SIPA1L1: variants seen among roughly 807,000 people sequenced by gnomAD.
SIPA1L1 encodes signal-induced proliferation-associated 1-like protein 1.
Under a neutral mutation model 162.7 loss-of-function variants are expected in SIPA1L1, and 26 were observed. The ratio of observed to expected loss-of-function variants is 0.16; its 90% CI spans 0.12 to 0.22. The LOEUF is 0.22. Ranked by LOEUF, SIPA1L1 falls within the 10% of genes least tolerant of loss-of-function variation. The pLI is 1.00. For missense variants in SIPA1L1, 1,874 were observed against 2,241.0 expected (o/e 0.84, Z 3.31); for synonymous variants, 829 against 837.4 (o/e 0.99, Z 0.17).
intron 4 of SIPA1L1, among the ~76,000 whole-genome samples, chr14:71,584,177 G>A (rs2034299885): frequency 6.6e-6 from 1 of 152,184 alleles, no homozygotes; most frequent in South Asian, 2.1e-4. Context: ...AAAGAGGCAA[G>A]AGAAAATGAA....
At chr14:71,384,389 A>T (rs1238173078) in intron 2 of SIPA1L1, among the ~76,000 whole-genome samples, 1 of 152,184 alleles carries the variant, frequency 6.6e-6, no homozygotes, top group East Asian at 1.9e-4. Flanking sequence ...TGAAGGCCTA[A>T]CATTTGAGTT....
chr14:71,439,797 G>A (rs1378560513), intron 2 of SIPA1L1, among the ~76,000 whole-genome samples: 1 of 152,192 alleles, frequency 6.6e-6, no homozygotes, highest in Admixed American at 6.5e-5. Context: ...TTGCCCAGAT[G>A]TGAGAGAAGT....
At chr14:71,475,372 T>A (rs2047763516) in intron 2 of SIPA1L1, among the ~76,000 whole-genome samples, 1 of 152,238 alleles carries the variant, frequency 6.6e-6, no homozygotes, top group Non-Finnish European at 1.5e-5. Context: ...GATTTTTTTT[T>A]ATTAATTGGT....
intron 4 of SIPA1L1, among the ~76,000 whole-genome samples, chr14:71,568,002 A>C (rs1050197735): frequency 6.6e-6 from 1 of 152,232 alleles, no homozygotes; most frequent in Non-Finnish European, 1.5e-5. Flanking sequence ...TATAACGAGC[A>C]GTGAAGACAA....
intron 7 of SIPA1L1, among the ~76,000 whole-genome samples, chr14:71,649,173 G>A (rs1356423198): frequency 6.6e-6 from 1 of 151,396 alleles, no homozygotes; most frequent in Non-Finnish European, 1.5e-5. Flanking sequence ...AATGTCATTG[G>A]AGAATTCAAA....
Position 71,410,855 on chromosome 14 carries a change from C to A in SIPA1L1, c.-465+89674C>A, listed in dbSNP as rs146457996. Among the ~76,000 whole-genome samples, 521 of 152,236 alleles carry A rather than the reference C, an allele frequency of 3.4e-3. 3 individuals carry two copies. Among genetic ancestry groups the A allele is most frequent in the Non-Finnish European group, 5.7e-3 (391 of 68,010 alleles). On this transcript the variant is annotated intron_variant, in intron 2 of 23. Transcript: ENST00000381232. ...GCAAATTGTCTCTTTGGCAGAATCTCCCCTTTTCCTTTGGTACAGAAAACC... is the reference window on the plus strand; with the variant it reads ...GCAAATTGTCTCTTTGGCAGAATCTACCCTTTTCCTTTGGTACAGAAAACC...
intron 10 of SIPA1L1, among the ~76,000 whole-genome samples, chr14:71,668,498 T>C (rs2044229637): frequency 6.6e-6 from 1 of 152,222 alleles, no homozygotes; most frequent in Admixed American, 6.5e-5. Flanking sequence ...GGTCGCTCAG[T>C]GTACCCAAAG....
At chr14:71,674,558 TTG>T (rs1213658577) in intron 12 of SIPA1L1, among the ~76,000 whole-genome samples, 1 of 148,438 alleles carries the variant, frequency 6.7e-6, no homozygotes, top group African/African-American at 2.5e-5. Context: ...TGTTTTTTTT[TTG>T]TTTTTTTTTG....
intron 2 of SIPA1L1, among the ~76,000 whole-genome samples, chr14:71,357,006 T>C (rs927594430): frequency 3.9e-5 from 6 of 152,176 alleles, no homozygotes; most frequent in African/African-American, 1.4e-4. Context: ...AATATGAATC[T>C]GATGGTGGGT....
intron 2 of SIPA1L1, among the ~76,000 whole-genome samples, chr14:71,491,207 CT>C (rs947570790): frequency 1.6e-4 from 24 of 152,108 alleles, no homozygotes; most frequent in African/African-American, 5.5e-4. Context: ...TTTGTTTTTC[CT>C]TCATTACAGC....
In SIPA1L1 at chr14:71,733,779, T is replaced by A. The variant is rs2085027858; in HGVS notation, c.4975T>A (p.Ser1659Thr). ...LPDTAADLDW[S>T]NLVDAAKAYE... Reference sequence around the variant, plus strand: ...TGACACTGCTGCAGACTTGGATTGGTCCAACCTGGTAGATGCTGCCAAAGC... The same window carrying A: ...TGACACTGCTGCAGACTTGGATTGGACCAACCTGGTAGATGCTGCCAAAGC... The change falls in exon 21 of 24, where the codon TCC (serine) becomes ACC (threonine). Residue 1659 changes from serine (S) to threonine (T), a missense_variant. Physicochemically the swap from Ser to Thr is moderately conservative, Grantham distance 58. Transcript: ENST00000381232. The A allele has an allele frequency of 1.9e-6, 3 of 1,613,190 alleles. No homozygotes were observed. The highest frequency in any genetic ancestry group is 2.5e-6 in the Non-Finnish European group (3 of 1,180,012).
intron 17 of SIPA1L1, among the ~76,000 whole-genome samples, chr14:71,713,851 C>T (rs974541152): frequency 2.6e-5 from 4 of 152,012 alleles, no homozygotes; most frequent in African/African-American, 9.7e-5. Flanking sequence ...TGTAACATTT[C>T]CTTCTCTAAA....
chr14:71,326,074 C>T (rs2033759776), intron 2 of SIPA1L1, among the ~76,000 whole-genome samples: 1 of 152,104 alleles, frequency 6.6e-6, no homozygotes, highest in Non-Finnish European at 1.5e-5. Context: ...CAGAGCAGGT[C>T]TAGGTTAAAT....
At chr14:71,724,618 T>G in intron 18 of SIPA1L1, 52 bp from the exon 19 acceptor site, 21 of 1,529,468 alleles carry the variant, frequency 1.4e-5, no homozygotes, top group Non-Finnish European at 1.7e-5. Context: ...ATCATGCCCT[T>G]GAGCCAGCCT....
In SIPA1L1 at chr14:71,650,550, C is replaced by T. The variant is rs1555494917; in HGVS notation, c.1993+41C>T. On this transcript the variant is annotated intron_variant, in intron 8 of 23. Coordinates refer to ENST00000381232, the MANE Select transcript of SIPA1L1 (RefSeq NM_001386936.1). Reference sequence around the variant, plus strand: ...ACCCTCCTACTAGGCTTATTTTCCCCCTGTTGTGCTGTTGTGCATCTGCTA... The same window carrying T: ...ACCCTCCTACTAGGCTTATTTTCCCTCTGTTGTGCTGTTGTGCATCTGCTA... 6 of 1,587,594 alleles carry T rather than the reference C, an allele frequency of 3.8e-6. No individual in the cohort carries two copies. In the African/African-American group the frequency reaches 5.4e-5, roughly 14 times the overall value.
intron 2 of SIPA1L1, among the ~76,000 whole-genome samples, chr14:71,465,440 T>C (rs1204111644): frequency 6.6e-6 from 1 of 152,218 alleles, no homozygotes; most frequent in South Asian, 2.1e-4. Context: ...CCAACCAGCT[T>C]CATTATGTTC....
Position 71,671,229 on chromosome 14 carries a change from T to C in SIPA1L1, c.2366T>C (p.Ile789Thr). 2.5e-6 allele frequency: 4 copies of C among 1,614,168 alleles called. No individual in the cohort carries two copies. The highest frequency in any genetic ancestry group is 2.5e-6 in the Non-Finnish European group (3 of 1,180,030). The change falls in exon 11 of 24, where the codon ATT becomes ACT. Residue 789 changes from isoleucine (I) to threonine (T), a missense_variant. Physicochemically the swap from Ile to Thr is moderately conservative, Grantham distance 89. Coordinates refer to ENST00000381232, the MANE Select transcript of SIPA1L1 (RefSeq NM_001386936.1). Reference protein sequence around the residue: ...VFRDFLLAKVINAENAAHKSE... With the variant: ...VFRDFLLAKVTNAENAAHKSE... Reference sequence around the variant, plus strand: ...AGGGACTTCCTTTTGGCGAAAGTGATTAATGCAGAAAATGCTGCTCATAAA... The same window carrying C: ...AGGGACTTCCTTTTGGCGAAAGTGACTAATGCAGAAAATGCTGCTCATAAA...
intron 2 of SIPA1L1, among the ~76,000 whole-genome samples, chr14:71,412,385 A>T (rs2042467942): frequency 6.6e-6 from 1 of 152,216 alleles, no homozygotes. Flanking sequence ...ACTGTGGCCC[A>T]GGGAAGCCAA....
chr14:71,480,453 T>TAAAAA (rs71448367), intron 2 of SIPA1L1, among the ~76,000 whole-genome samples: 1 of 124,726 alleles, frequency 8.0e-6, no homozygotes, highest in African/African-American at 2.9e-5. Context: ...CTCTTAGTCT[T>TAAAAA]AAAAAAAAAA....
Sources: allele counts gnomAD v4.1 joint callset (sites outside exome capture counted in the v4.1 genomes callset), GRCh38; gene constraint gnomAD v4.1.1; transcripts MANE v1.5; gene names NCBI Gene and HGNC (gene_info 2026-07-23, HGNC 2026-07-21).